NKAIN3: variants seen among roughly 807,000 people sequenced by gnomAD.
The protein encoded by NKAIN3 is sodium/potassium-transporting ATPase subunit beta-1-interacting protein 3.
NKAIN3 carries 25 observed loss-of-function variants against 30.2 expected under a neutral mutation model. The ratio of observed to expected loss-of-function variants is 0.83; its 90% CI spans 0.60 to 1.16. NKAIN3 has a LOEUF of 1.16. Among genes scored for constraint, NKAIN3 ranks in the 50% most tolerant of loss-of-function variants. The pLI, the probability that NKAIN3 is intolerant of heterozygous loss-of-function variation, is 0.00. For missense variants in NKAIN3, 225 were observed against 254.1 expected (o/e 0.89, Z 0.78); for synonymous variants, 91 against 89.6 (o/e 1.02, Z -0.09).
chr8:62,403,312 G>A (rs1311573839), intron 1 of NKAIN3, among the ~76,000 whole-genome samples: 2 of 152,196 alleles, frequency 1.3e-5, no homozygotes, highest in Admixed American at 6.5e-5. Flanking sequence ...AGAAATACAA[G>A]CCAGCTACAG....
intron 1 of NKAIN3, among the ~76,000 whole-genome samples, chr8:62,537,442 T>C (rs1000393026): frequency 2.6e-5 from 4 of 152,196 alleles, no homozygotes; most frequent in African/African-American, 9.7e-5. Flanking sequence ...ATATAAGTTA[T>C]TGGGGATCTA....
chr8:62,899,893 T>C (rs1031484887), intron 4 of NKAIN3, among the ~76,000 whole-genome samples: 2 of 151,982 alleles, frequency 1.3e-5, no homozygotes, highest in Non-Finnish European at 2.9e-5. Flanking sequence ...CAAAGAGATA[T>C]AAAATAATTT....
At chr8:62,543,527 C>T (rs1277811127) in intron 1 of NKAIN3, among the ~76,000 whole-genome samples, 1 of 152,162 alleles carries the variant, frequency 6.6e-6, no homozygotes, top group Non-Finnish European at 1.5e-5. Flanking sequence ...AATCACTTTG[C>T]AGAACACCTT....
Position 62,965,585 on chromosome 8 carries a change from A to G in NKAIN3, c.*178A>G, listed in dbSNP as rs1480706219. 1 of 977,024 alleles carries G rather than the reference A, an allele frequency of 1.0e-6. No individual in the cohort carries two copies. The highest frequency in any genetic ancestry group is 1.2e-6 in the Non-Finnish European group (1 of 824,852). 60.5% of individuals were successfully genotyped at this position (977,024 alleles called of 1,614,324 possible). On this transcript the variant is annotated 3_prime_UTR_variant, in exon 7 of 7. Coordinates refer to ENST00000623646, the MANE Select transcript of NKAIN3 (RefSeq NM_001304533.3). ...TAGGTGCTTGGGTGGGTATTTTTTT[A>G]GTCGTTTTCTTCTTATATGAACACT...
chr8:62,736,562 T>A (rs1815682949), intron 3 of NKAIN3, among the ~76,000 whole-genome samples: 1 of 152,152 alleles, frequency 6.6e-6, no homozygotes, highest in South Asian at 2.1e-4. Context: ...CCAAGTTTAT[T>A]TCCAGGCAGC....
chr8:62,913,146 T>C (rs1292834806), intron 4 of NKAIN3, among the ~76,000 whole-genome samples: 3 of 59,644 alleles, frequency 5.0e-5, no homozygotes, highest in East Asian at 2.4e-3. Context: ...CTGTTTTGCA[T>C]TGAACATTTT....
intron 4 of NKAIN3, among the ~76,000 whole-genome samples, chr8:62,845,104 A>T (rs1819638197): frequency 6.6e-6 from 1 of 151,076 alleles, no homozygotes; most frequent in Non-Finnish European, 1.5e-5. Flanking sequence ...CACTAGAAAT[A>T]AAAAAAAGGA....
At chr8:62,800,528 A>C (rs1233897997) in intron 4 of NKAIN3, among the ~76,000 whole-genome samples, 4 of 152,208 alleles carry the variant, frequency 2.6e-5, no homozygotes, top group African/African-American at 9.6e-5. Flanking sequence ...CATCATGTAG[A>C]TCTGCAGACA....
At chr8:62,897,927 T>C (rs1821485225) in intron 4 of NKAIN3, among the ~76,000 whole-genome samples, 1 of 152,150 alleles carries the variant, frequency 6.6e-6, no homozygotes, top group Non-Finnish European at 1.5e-5. Context: ...CTCTGAACAT[T>C]CCAGCCATCA....
Position 62,712,699 on chromosome 8 carries a change from A to G in NKAIN3, c.274-34233A>G, listed in dbSNP as rs138685700. 5.1e-3 allele frequency among the ~76,000 whole-genome samples: 776 copies of G among 152,256 alleles called. 2 individuals carry two copies. Among genetic ancestry groups the G allele is most frequent in the African/African-American group, 0.017 (720 of 41,556 alleles). The stretch of plus-strand genomic sequence containing the variant: ...AAAAGGGCTTGGTTCTTCCCTGTGA[A>G]GTCTGCACACTGGGTTTGTGCCCTC... On this transcript the variant is annotated intron_variant, in intron 3 of 6. Transcript: ENST00000623646.
chr8:62,910,754 A>T (rs1563623699), intron 4 of NKAIN3, among the ~76,000 whole-genome samples: 3 of 149,238 alleles, frequency 2.0e-5, no homozygotes, highest in African/African-American at 7.4e-5. Context: ...TCGGGACAGG[A>T]TTTTTTTTTT....
chr8:62,386,120 T>G (rs541448325), intron 1 of NKAIN3, among the ~76,000 whole-genome samples: 50 of 152,286 alleles, frequency 3.3e-4, no homozygotes, highest in Non-Finnish European at 1.0e-4. Flanking sequence ...ACATCTAATT[T>G]GTTGCTATAT....
chr8:62,486,520 G>T (rs1225201212), intron 1 of NKAIN3, among the ~76,000 whole-genome samples: 3 of 152,070 alleles, frequency 2.0e-5, no homozygotes, highest in African/African-American at 7.2e-5. Flanking sequence ...ATATTGCTTG[G>T]ATGTAAGTTT....
chr8:62,752,119 T>C (rs965807105), intron 4 of NKAIN3, among the ~76,000 whole-genome samples: 1 of 152,126 alleles, frequency 6.6e-6, no homozygotes, highest in Non-Finnish European at 1.5e-5. Context: ...AAGGAATCTA[T>C]TGAGCAAAAA....
chr8:62,902,042 G>GC (rs1432496836), intron 4 of NKAIN3, among the ~76,000 whole-genome samples: 1 of 152,182 alleles, frequency 6.6e-6, no homozygotes, highest in Non-Finnish European at 1.5e-5. Flanking sequence ...GTGCCTGACT[G>GC]CCTAAGCATG....
At chr8:62,645,879 C>G (rs76212291) in intron 3 of NKAIN3, among the ~76,000 whole-genome samples, 1 of 152,224 alleles carries the variant, frequency 6.6e-6, no homozygotes, top group East Asian at 1.9e-4. Context: ...GCTTAGCTCA[C>G]AAAACAACTT....
intron 1 of NKAIN3, among the ~76,000 whole-genome samples, chr8:62,484,308 TACCCCAACACCC>T (rs1806832549): frequency 6.6e-6 from 1 of 152,240 alleles, no homozygotes; most frequent in Non-Finnish European, 1.5e-5. Context: ...GGCATCTTCC[TACCCCAACACCC>T]ACCATGCCAC....
At chr8:62,338,573 G>A (rs1215110627) in intron 1 of NKAIN3, among the ~76,000 whole-genome samples, 1 of 151,936 alleles carries the variant, frequency 6.6e-6, no homozygotes, top group Non-Finnish European at 1.5e-5. Context: ...TAGAGGGACA[G>A]AACTAATAGG....
At chr8:62,402,541 TAGTG>T (rs144485645) in intron 1 of NKAIN3, among the ~76,000 whole-genome samples, 16,437 of 152,146 alleles carry the variant, frequency 0.11, 1,242 homozygotes, top group East Asian at 0.38. Flanking sequence ...ATTCTCATGA[TAGTG>T]AGTAAGTTCT....
Sources: gnomAD v4.1 joint callset for allele counts (sites outside exome capture counted in the v4.1 genomes callset) on GRCh38, gnomAD v4.1.1 for gene constraint, MANE v1.5 for transcripts, NCBI Gene and HGNC (gene_info 2026-07-23, HGNC 2026-07-21) for gene names.